Variants in ZBTB20 observed in about 807,000 individuals in gnomAD.
ZBTB20 encodes the protein zinc finger and BTB domain containing 20.
In ZBTB20, 9 loss-of-function variants were observed where a neutral mutation model predicts 56.9. The ratio of observed to expected loss-of-function variants is 0.16; its 90% CI spans 0.10 to 0.28. The LOEUF (loss-of-function observed/expected upper bound fraction) is 0.28. Among genes scored for constraint, ZBTB20 ranks in the 10% least tolerant of loss-of-function variants. The probability of loss-of-function intolerance (pLI) is 1.00; values close to 1 mark genes in which losing one functional copy is unlikely to be tolerated. For synonymous variants in ZBTB20, 417 were observed against 420.7 expected, an observed-to-expected ratio of 0.99 and a Z score of 0.11; for missense variants, 655 against 1,003.0, an observed-to-expected ratio of 0.65 and a Z score of 4.69.
rs1004111176 is a variant in ZBTB20, at chr3:114,332,664, C to A, written c.*6341G>T. On this transcript the variant is annotated 3_prime_UTR_variant, in exon 12 of 12. Transcript: ENST00000675478. The stretch of plus-strand genomic sequence containing the variant: ...GCAAGAAATGCCTATAACTTCAGAG[C>A]CTTCTCATTTCTATATCTTTTATCC... 6.6e-6 allele frequency: 1 copy of A among 152,128 alleles called. No individual in the cohort carries two copies. Among genetic ancestry groups the A allele is most frequent in the Admixed American group, 6.5e-5 (1 of 15,280 alleles). 9.4% of individuals were successfully genotyped at this position (152,128 alleles called of 1,614,324 possible). A position where few individuals can be genotyped will look rare whatever the true frequency, so the allele number is the denominator to read the frequency against.
chr3:114,463,354 C>A (rs954686286), intron 7 of ZBTB20, among the ~76,000 whole-genome samples: 1 of 152,122 alleles, frequency 6.6e-6, no homozygotes, highest in South Asian at 2.1e-4. Flanking sequence ...TCCAAGGTTT[C>A]CCCCTGAACT....
chr3:114,943,038 A>G (rs1208171109), intron 3 of ZBTB20, among the ~76,000 whole-genome samples: 4 of 145,270 alleles, frequency 2.8e-5, no homozygotes, highest in Non-Finnish European at 5.9e-5. Context: ...AGCAGAAAAC[A>G]GCAACCTAAA....
chr3:114,369,115 T>C (rs2082721696), intron 10 of ZBTB20, among the ~76,000 whole-genome samples: 1 of 152,212 alleles, frequency 6.6e-6, no homozygotes, highest in African/African-American at 2.4e-5. Flanking sequence ...CTGGTTAAGA[T>C]ATGAGGCAAA....
chr3:114,459,163 G>C (rs1344561793), intron 7 of ZBTB20, among the ~76,000 whole-genome samples: 2 of 152,054 alleles, frequency 1.3e-5, no homozygotes, highest in Admixed American at 6.6e-5. Context: ...ATAATTCAAC[G>C]TATCTCATAA....
rs1283508557 is a variant in ZBTB20, at chr3:114,423,903, T to C, written c.-254-34798A>G. The stretch of plus-strand genomic sequence containing the variant: ...CATAAAATGTATGTGTATGATTCAA[T>C]GACTGAGCCATCCCACATGCTAAGT... On this transcript the variant is annotated intron_variant, in intron 7 of 11. Transcript: ENST00000675478. Among the ~76,000 whole-genome samples the C allele has an allele frequency of 9.8e-5, 15 of 152,372 alleles. No individual in the cohort carries two copies. The East Asian group carries it at 2.7e-3, about 27-fold the overall frequency.
intron 7 of ZBTB20, among the ~76,000 whole-genome samples, chr3:114,471,041 G>A (rs73241543): frequency 0.096 from 14,530 of 152,140 alleles, 735 homozygotes; most frequent in South Asian, 0.13. Flanking sequence ...CAGAAAATAT[G>A]TAGTGTCTGA....
At chr3:114,616,601 T>C (rs995936538) in intron 6 of ZBTB20, among the ~76,000 whole-genome samples, 1 of 152,140 alleles carries the variant, frequency 6.6e-6, no homozygotes, top group Non-Finnish European at 1.5e-5. Flanking sequence ...ATAAAGGACC[T>C]TCTCCCTTTT....
At chr3:114,703,917 A>G (rs1165258908) in intron 5 of ZBTB20, among the ~76,000 whole-genome samples, 1 of 152,216 alleles carries the variant, frequency 6.6e-6, no homozygotes, top group African/African-American at 2.4e-5. Flanking sequence ...AAAGGGATCC[A>G]GGTGTCACAT....
intron 3 of ZBTB20, among the ~76,000 whole-genome samples, chr3:114,905,822 G>C (rs1217861998): frequency 6.6e-6 from 1 of 151,830 alleles, no homozygotes; most frequent in Admixed American, 6.6e-5. Flanking sequence ...CATTGGACAA[G>C]AATGAGTTGT....
intron 3 of ZBTB20, among the ~76,000 whole-genome samples, chr3:114,973,843 T>A (rs1346510607): frequency 2.4e-4 from 37 of 152,080 alleles, no homozygotes; most frequent in Admixed American, 2.4e-3. Flanking sequence ...GCCACACGAG[T>A]CTATTGTAAA....
chr3:115,065,855 T>C (rs982571352), intron 2 of ZBTB20, among the ~76,000 whole-genome samples: 1 of 152,170 alleles, frequency 6.6e-6, no homozygotes, highest in African/African-American at 2.4e-5. Flanking sequence ...CTCAAATAGA[T>C]ATCCCCTTAA....
At chr3:114,740,366 G>A (rs756102493) in intron 5 of ZBTB20, among the ~76,000 whole-genome samples, 1 of 152,136 alleles carries the variant, frequency 6.6e-6, no homozygotes, top group Non-Finnish European at 1.5e-5. Context: ...GAGATCCATC[G>A]ACCAGATTGT....
At chr3:114,915,424 C>G (rs2107729096) in intron 3 of ZBTB20, among the ~76,000 whole-genome samples, 1 of 151,790 alleles carries the variant, frequency 6.6e-6, no homozygotes, top group South Asian at 2.1e-4. Context: ...GTAAGGTAAC[C>G]TTTTTCAATT....
At chr3:114,627,998 G>A (rs1461191147) in intron 6 of ZBTB20, among the ~76,000 whole-genome samples, 1 of 152,126 alleles carries the variant, frequency 6.6e-6, no homozygotes, top group Non-Finnish European at 1.5e-5. Context: ...TCTTGGGCAA[G>A]TCAAGTCCCT....
intron 6 of ZBTB20, among the ~76,000 whole-genome samples, chr3:114,514,282 G>C (rs997792179): frequency 9.9e-5 from 15 of 152,190 alleles, no homozygotes; most frequent in South Asian, 4.1e-4. Context: ...AACATCAAGA[G>C]AAGGAGCTTA....
At chr3:114,688,674 A>G (rs2062503995) in intron 6 of ZBTB20, among the ~76,000 whole-genome samples, 1 of 152,184 alleles carries the variant, frequency 6.6e-6, no homozygotes, top group Non-Finnish European at 1.5e-5. Flanking sequence ...TAACCGATCA[A>G]TTTGTTTCTC....
intron 4 of ZBTB20, among the ~76,000 whole-genome samples, chr3:114,806,778 C>G (rs534392302): frequency 6.6e-6 from 1 of 152,044 alleles, no homozygotes; most frequent in African/African-American, 2.4e-5. Flanking sequence ...GAAATAAGAA[C>G]TAAAATATGT....
At chr3:114,957,152 T>C (rs910333916) in intron 3 of ZBTB20, among the ~76,000 whole-genome samples, 2 of 152,336 alleles carry the variant, frequency 1.3e-5, no homozygotes, top group African/African-American at 4.8e-5. Context: ...ATAAGGAAAC[T>C]AAATCATACT....
chr3:114,614,562 C>T (rs1208081843), intron 6 of ZBTB20, among the ~76,000 whole-genome samples: 1 of 152,080 alleles, frequency 6.6e-6, no homozygotes, highest in African/African-American at 2.4e-5. Context: ...ATTTTTCAAA[C>T]CCTGATAATT....
Sources: allele counts gnomAD v4.1 joint callset (sites outside exome capture counted in the v4.1 genomes callset), GRCh38; gene constraint gnomAD v4.1.1; transcripts MANE v1.5; gene names NCBI Gene and HGNC (gene_info 2026-07-23, HGNC 2026-07-21).